CCND2: variants seen among roughly 807,000 people sequenced by gnomAD.
The protein encoded by CCND2 is cyclin D2.
Under a neutral mutation model 30.2 loss-of-function variants are expected in CCND2, and 6 were observed. The observed-to-expected ratio is 0.20, with a 90% CI of 0.11 to 0.39. CCND2 has a LOEUF of 0.39. CCND2 is among the 10% of genes least tolerant of loss of function. CCND2 has a pLI of 1.00. For missense variants in CCND2, 235 were observed against 373.4 expected (o/e 0.63, Z 3.06); for synonymous variants, 150 against 153.1 (o/e 0.98, Z 0.15).
At chr12:4,277,944 G>A (rs1863896732) in intron 2 of CCND2, among the ~76,000 whole-genome samples, 1 of 152,118 alleles carries the variant, frequency 6.6e-6, no homozygotes, top group African/African-American at 2.4e-5. Context: ...GTGAAAGAGG[G>A]AAACAAGGTT....
chr12:4,278,548 T>A, intron 2 of CCND2: 1 of 451,634 alleles, frequency 2.2e-6, no homozygotes, highest in Non-Finnish European at 4.0e-6. Context: ...TCTCATTATT[T>A]TCAGTGGAGC....
intron 3 of CCND2, among the ~76,000 whole-genome samples, chr12:4,286,963 T>C (rs1409448261): frequency 1.3e-5 from 2 of 152,188 alleles, no homozygotes; most frequent in African/African-American, 4.8e-5. Flanking sequence ...GCTTGTGTTA[T>C]GAATGTCACA....
intron 4 of CCND2, among the ~76,000 whole-genome samples, chr12:4,295,641 A>G (rs1274019600): frequency 1.3e-5 from 2 of 152,138 alleles, no homozygotes; most frequent in African/African-American, 4.8e-5. Context: ...GCTGGGGGTG[A>G]TGGCGTGCAC....
chr12:4,294,020 T>A (rs1011679584), intron 4 of CCND2, among the ~76,000 whole-genome samples: 3 of 152,202 alleles, frequency 2.0e-5, no homozygotes, highest in Non-Finnish European at 4.4e-5. Context: ...CTAAGTTGTC[T>A]CTGCCTGAGT....
intron 4 of CCND2, among the ~76,000 whole-genome samples, chr12:4,297,347 A>AGTAT (rs1393738928): frequency 6.6e-6 from 1 of 152,090 alleles, no homozygotes; most frequent in East Asian, 1.9e-4. Context: ...CAAGGCGGGC[A>AGTAT]GATACCTGAG....
rs1864013737 is a variant in CCND2 at position 4,285,700 on chromosome 12, C to T, written c.572-3142C>T. ...AGCTGATGGTTTCCAGGAATGGCTG[C>T]ATTGGGTAGGTGGAGCTTTCCACAG... is the stretch of plus-strand genomic sequence containing the variant. On this transcript the variant is annotated intron_variant, in intron 3 of 4. Coordinates refer to ENST00000261254, the MANE Select transcript of CCND2 (RefSeq NM_001759.4). This position sits in a 1 kb window ranked among gnomAD's most constrained non-coding sequence, Gnocchi z 4.1. Among the ~76,000 whole-genome samples, 1 of 152,186 alleles carries T rather than the reference C, an allele frequency of 6.6e-6. No individual in the cohort carries two copies. Among genetic ancestry groups the T allele is most frequent in the South Asian group, 2.1e-4 (1 of 4,824 alleles).
intron 4 of CCND2, among the ~76,000 whole-genome samples, chr12:4,295,222 A>G (rs1478409793): frequency 4.6e-5 from 7 of 152,230 alleles, no homozygotes; most frequent in Non-Finnish European, 1.0e-4. Flanking sequence ...CATCATTTAT[A>G]CAAGACAGGC....
chr12:4,287,825 C>T lies in CCND2; in HGVS notation c.572-1017C>T, dbSNP rs748057239. 7.9e-5 allele frequency among the ~76,000 whole-genome samples: 12 copies of T among 152,192 alleles called. No homozygotes were observed. The highest frequency in any genetic ancestry group is 1.3e-4 in the Non-Finnish European group (9 of 68,032). On this transcript the variant is annotated intron_variant, in intron 3 of 4. Coordinates refer to ENST00000261254, the MANE Select transcript of CCND2 (RefSeq NM_001759.4). This position sits in a 1 kb window ranked among gnomAD's most constrained non-coding sequence, Gnocchi z 4.0. ...TATTTCCCCTCGATGGACCAAGCAGCTGCTGGATCATGGCCACCCAGCCCC... is the reference window on the plus strand; with the variant it reads ...TATTTCCCCTCGATGGACCAAGCAGTTGCTGGATCATGGCCACCCAGCCCC...
At position 4,284,925 on chromosome 12, in the gene CCND2, A is replaced by G. The variant is rs546645495; in HGVS notation, c.572-3917A>G. Among the ~76,000 whole-genome samples the G allele has an allele frequency of 4.6e-5, 7 of 152,018 alleles. No individual in the cohort carries two copies. In the South Asian group the frequency reaches 1.2e-3, roughly 27 times the overall value. On this transcript the variant is annotated intron_variant, in intron 3 of 4. Transcript: ENST00000261254. Reference sequence around the variant, plus strand: ...TAATTTTTGTATTTTTAGTACAGACAGGGTTTCACCGTGTTGGCCAGACTG... The same window carrying G: ...TAATTTTTGTATTTTTAGTACAGACGGGGTTTCACCGTGTTGGCCAGACTG...
chr12:4,274,379 A>T lies in CCND2; in HGVS notation c.195+144A>T. ...GGAGTTTACCGCGCGCCTTCTGGCG[A>T]GACGCGTGGCTTTATTTCTGTTCCT... On this transcript the variant is annotated intron_variant, in intron 1 of 4. Transcript: ENST00000261254. This position sits in a 1 kb window ranked among gnomAD's most constrained non-coding sequence, Gnocchi z 7.7. The T allele has an allele frequency of 1.2e-6, 1 of 814,186 alleles. No homozygotes were observed. The highest frequency in any genetic ancestry group is 2.6e-5 in the East Asian group (1 of 39,012). 50.4% of individuals were successfully genotyped at this position (814,186 alleles called of 1,614,324 possible). A position where few individuals can be genotyped will look rare whatever the true frequency, so the allele number is the denominator to read the frequency against.
At chr12:4,279,222 A>G (rs548671478) in intron 3 of CCND2, among the ~76,000 whole-genome samples, 4 of 152,316 alleles carry the variant, frequency 2.6e-5, no homozygotes, top group African/African-American at 7.2e-5. Context: ...AAGATTACAT[A>G]TACTGCTCAC....
chr12:4,283,609 CCAT>C (rs1329575340), intron 3 of CCND2, among the ~76,000 whole-genome samples: 1 of 152,230 alleles, frequency 6.6e-6, no homozygotes, highest in Non-Finnish European at 1.5e-5. Context: ...TAATACCTCA[CCAT>C]CATCACCGCC....
chr12:4,280,140 C>A, intron 3 of CCND2, among the ~76,000 whole-genome samples: 1 of 144,312 alleles, frequency 6.9e-6, no homozygotes, highest in African/African-American at 2.5e-5. Flanking sequence ...TTCAGAGCAG[C>A]TAGGAAAATT....
chr12:4,290,090 T>A (rs896477158), intron 4 of CCND2, among the ~76,000 whole-genome samples: 2 of 152,112 alleles, frequency 1.3e-5, no homozygotes, highest in Non-Finnish European at 2.9e-5. Flanking sequence ...TTTATTGAGT[T>A]AAGGGATCAT....
chr12:4,283,307 A>T (rs1435543689), intron 3 of CCND2, among the ~76,000 whole-genome samples: 1 of 152,160 alleles, frequency 6.6e-6, no homozygotes, highest in Non-Finnish European at 1.5e-5. Context: ...GCTGGGACCC[A>T]ATTCCTTTGA....
Position 4,300,969 on chromosome 12 carries a change from T to G in CCND2, c.*960T>G, listed in dbSNP as rs545476314. ...TTTAGCATTGTTATAAACCATTCCA[T>G]TCGAAAAGCACTTTGAAAAATTGTT... On this transcript the variant is annotated 3_prime_UTR_variant, in exon 5 of 5. Transcript: ENST00000261254. 4.3e-6 allele frequency: 1 copy of G among 233,754 alleles called. No homozygotes were observed. The highest frequency in any genetic ancestry group is 6.0e-5 in the East Asian group (1 of 16,594). 14.5% of individuals were successfully genotyped at this position (233,754 alleles called of 1,614,324 possible).
At chr12:4,286,807 G>A (rs1864029307) in intron 3 of CCND2, among the ~76,000 whole-genome samples, 2 of 152,274 alleles carry the variant, frequency 1.3e-5, no homozygotes, top group African/African-American at 2.4e-5. Context: ...CAGTGGGACA[G>A]CAGAGATGGG....
chr12:4,289,828 G>A (rs1203005998), intron 4 of CCND2, among the ~76,000 whole-genome samples: 1 of 152,182 alleles, frequency 6.6e-6, no homozygotes, highest in African/African-American at 2.4e-5. Flanking sequence ...CCAGGAGCGG[G>A]GTGGGCAGTG....
Position 4,302,043 on chromosome 12 carries a change from G to T in CCND2, c.*2034G>T, listed in dbSNP as rs529993175. On this transcript the variant is annotated 3_prime_UTR_variant, in exon 5 of 5. Coordinates refer to ENST00000261254, the MANE Select transcript of CCND2 (RefSeq NM_001759.4). The stretch of plus-strand genomic sequence containing the variant: ...ATAACTACAAAAGGCAATGATTCAC[G>T]CTTTTGTTTTCATAATACCTCACAA... 2.2e-4 allele frequency: 50 copies of T among 228,928 alleles called. No homozygotes were observed. The highest frequency in any genetic ancestry group is 3.4e-4 in the Non-Finnish European group (40 of 116,086). The allele number at this position is 228,928 out of a possible 1,614,324, so 14.2% of individuals were successfully genotyped here. A position where few individuals can be genotyped will look rare whatever the true frequency, so the allele number is the denominator to read the frequency against.
Sources: gnomAD v4.1 joint callset for allele counts (sites outside exome capture counted in the v4.1 genomes callset) on GRCh38, gnomAD v4.1.1 for gene constraint, Gnocchi (gnomAD v3.1) non-coding constraint, MANE v1.5 for transcripts, NCBI Gene and HGNC (gene_info 2026-07-23, HGNC 2026-07-21) for gene names.